KCTD1: variants seen among roughly 807,000 people sequenced by gnomAD.
KCTD1 encodes the protein BTB/POZ domain-containing protein KCTD1.
In KCTD1, 24 loss-of-function variants were observed where a neutral mutation model predicts 66.0. That is an observed-to-expected ratio of 0.36 (90% CI 0.26 to 0.51). KCTD1 has a LOEUF of 0.51. Ranked by LOEUF, KCTD1 falls within the 20% of genes least tolerant of loss-of-function variation. The pLI, the probability that KCTD1 is intolerant of heterozygous loss-of-function variation, is 0.95. For missense variants in KCTD1, 943 were observed against 1,205.2 expected, an observed-to-expected ratio of 0.78 and a Z score of 3.22; for synonymous variants, 511 against 517.2, an observed-to-expected ratio of 0.99 and a Z score of 0.16.
chr18:26,507,148 A>G (rs1983084529), intron 1 of KCTD1, among the ~76,000 whole-genome samples: 1 of 152,236 alleles, frequency 6.6e-6, no homozygotes, highest in South Asian at 2.1e-4. Context: ...CCTGGGTAAC[A>G]GAGCAAAACT....
chr18:26,560,179 AT>A (rs1314390713), intron 1 of KCTD1, among the ~76,000 whole-genome samples: 1 of 151,324 alleles, frequency 6.6e-6, no homozygotes, highest in African/African-American at 2.4e-5. Context: ...AAATGTGGCA[AT>A]TTTTTTAAAG....
chr18:26,620,099 TTTTG>T (rs1987340554), intron 1 of KCTD1, among the ~76,000 whole-genome samples: 1 of 152,000 alleles, frequency 6.6e-6, no homozygotes, highest in South Asian at 2.1e-4. Context: ...GATGAGGGGT[TTTTG>T]TTTGTTTTAT....
intron 1 of KCTD1, among the ~76,000 whole-genome samples, chr18:26,532,257 C>CCTT (rs1984474043): frequency 2.3e-5 from 3 of 128,194 alleles, no homozygotes; most frequent in African/African-American, 1.0e-4. Flanking sequence ...TCTTTTCTTT[C>CCTT]CTTCTTTTTT....
At chr18:26,585,347 C>T (rs144443045) in intron 1 of KCTD1, among the ~76,000 whole-genome samples, 8 of 152,364 alleles carry the variant, frequency 5.3e-5, no homozygotes, top group South Asian at 2.1e-4. Flanking sequence ...ATGGAATTCT[C>T]TACCTGTACA....
chr18:26,548,784 A>G (rs548000153), upstream of KCTD1: 3 of 1,108,950 alleles, frequency 2.7e-6, no homozygotes, highest in African/African-American at 5.0e-5. Context: ...GGCTGACCAG[A>G]CCTTCTTCCT....
intron 3 of KCTD1, among the ~76,000 whole-genome samples, chr18:26,474,713 G>A (rs1056651479): frequency 3.3e-5 from 5 of 151,990 alleles, no homozygotes; most frequent in African/African-American, 1.2e-4. Flanking sequence ...TGTTGCAAAT[G>A]TTTCTTATGG....
intron 1 of KCTD1, among the ~76,000 whole-genome samples, chr18:26,555,157 T>C (rs566398092): frequency 6.6e-6 from 1 of 152,342 alleles, no homozygotes; most frequent in South Asian, 2.1e-4. Context: ...CTTACAATGG[T>C]CTCACAATCT....
intron 1 of KCTD1, among the ~76,000 whole-genome samples, chr18:26,585,666 G>T (rs939073149): frequency 6.6e-6 from 1 of 152,114 alleles, no homozygotes; most frequent in African/African-American, 2.4e-5. Context: ...TATATATTTT[G>T]CAATTATTAT....
Position 26,475,482 on chromosome 18 carries a change from T to C in KCTD1, c.2133+1033A>G, listed in dbSNP as rs1341416278. Among the ~76,000 whole-genome samples the C allele has an allele frequency of 4.6e-5, 7 of 152,344 alleles. No individual in the cohort carries two copies. In the East Asian group the frequency reaches 1.2e-3, roughly 25 times the overall value. ...GCCTTTGCTTGTTTCTCGTTAGGTTTATTCCTAGGTGTTATAATTTTTGTT... is the reference window on the plus strand; with the variant it reads ...GCCTTTGCTTGTTTCTCGTTAGGTTCATTCCTAGGTGTTATAATTTTTGTT... On this transcript the variant is annotated intron_variant, in intron 3 of 4. Transcript: ENST00000580059.
chr18:26,598,912 A>G (rs1986829251), intron 1 of KCTD1, among the ~76,000 whole-genome samples: 1 of 152,106 alleles, frequency 6.6e-6, no homozygotes, highest in African/African-American at 2.4e-5. Context: ...TCAGATTATG[A>G]TTTATAAACA....
rs1980037941 is a variant in KCTD1 at position 26,455,709 on chromosome 18, T to C, written c.*34A>G. On this transcript the variant is annotated 3_prime_UTR_variant, in exon 5 of 5. Transcript: ENST00000580059. ...TTTTTTGTTTGAGTTATTGGTTGTG[T>C]GTGTTTTCCTTTTTGCATAAGAAAT... 2 of 1,613,662 alleles carry C rather than the reference T, an allele frequency of 1.2e-6. No homozygotes were observed. The highest frequency in any genetic ancestry group is 2.7e-5 in the African/African-American group (2 of 74,858).
intron 1 of KCTD1, among the ~76,000 whole-genome samples, chr18:26,524,551 C>A (rs1364577508): frequency 6.6e-6 from 1 of 152,192 alleles, no homozygotes; most frequent in East Asian, 1.9e-4. Context: ...ATTATTCATT[C>A]TGTATTGTTC....
chr18:26,476,668 G>C lies in KCTD1; in HGVS notation c.1989-9C>G. The C allele has an allele frequency of 6.2e-7, 1 of 1,610,536 alleles. No homozygotes were observed. On this transcript the variant is annotated splice_polypyrimidine_tract_variant and intron_variant, in intron 2 of 4. Coordinates refer to ENST00000580059, the MANE Select transcript of KCTD1 (RefSeq NM_001142730.3). The surrounding 1 kb of genome is among the most constrained non-coding windows in gnomAD (Gnocchi z 4.9). ...CAAAAAGTCTTCCGATTCTGTGATA[G>C]AAAAGAGGGAACAGTGAAGACAATT...
upstream of KCTD1, among the ~76,000 whole-genome samples, chr18:26,641,278 T>C (rs1014841122): frequency 1.3e-5 from 2 of 152,194 alleles, no homozygotes; most frequent in Admixed American, 1.3e-4. Flanking sequence ...GCCTCCCTTG[T>C]AGCGCCACGG....
At chr18:26,515,060 G>A (rs1374733513) in intron 1 of KCTD1, among the ~76,000 whole-genome samples, 1 of 152,168 alleles carries the variant, frequency 6.6e-6, no homozygotes, top group South Asian at 2.1e-4. Flanking sequence ...AGACATCTGT[G>A]TTCTTGGAGA....
At chr18:26,537,252 G>GT in intron 1 of KCTD1, among the ~76,000 whole-genome samples, 1 of 152,176 alleles carries the variant, frequency 6.6e-6, no homozygotes, top group East Asian at 1.9e-4. Flanking sequence ...TGTTTAAGAT[G>GT]TAAGAAAATA....
chr18:26,548,586 A>C (rs531755419), upstream of KCTD1: 9,887 of 1,199,150 alleles, frequency 8.2e-3, 52 homozygotes, highest in Non-Finnish European at 9.4e-3. Context: ...GCTATATTGG[A>C]CCGCAGCGCT....
At chr18:26,651,799 A>AAAAAAG (rs764181233) in intron 1 of KCTD1, among the ~76,000 whole-genome samples, 256 of 117,132 alleles carry the variant, frequency 2.2e-3, no homozygotes, top group African/African-American at 8.7e-3. Flanking sequence ...AAAAAAAAAA[A>AAAAAAG]AAGAAGAAGA....
intron 1 of KCTD1, among the ~76,000 whole-genome samples, chr18:26,638,970 C>T (rs1373712256): frequency 6.6e-6 from 1 of 152,184 alleles, no homozygotes. Flanking sequence ...CTCTATCTCT[C>T]TTCAAACCTC....
Sources: allele counts gnomAD v4.1 joint callset (sites outside exome capture counted in the v4.1 genomes callset), GRCh38; gene constraint gnomAD v4.1.1; non-coding constraint Gnocchi (gnomAD v3.1); transcripts MANE v1.5; gene names NCBI Gene and HGNC (gene_info 2026-07-23, HGNC 2026-07-21).